The following ROBO1 variants were observed in gnomAD, a reference collection of about 807,000 sequenced individuals.
ROBO1 encodes roundabout guidance receptor 1.
In ROBO1, 149 loss-of-function variants were observed where a neutral mutation model predicts 195.9. The ratio of observed to expected loss-of-function variants is 0.76; its 90% CI spans 0.67 to 0.87. ROBO1 has a LOEUF of 0.87. Ranked by LOEUF, ROBO1 falls within the 40% of genes least tolerant of loss-of-function variation. The pLI, the probability that ROBO1 is intolerant of heterozygous loss-of-function variation, is 0.00. For missense variants in ROBO1, 1,933 were observed against 2,068.3 expected (o/e 0.93, Z 1.27); for synonymous variants, 816 against 733.2 (o/e 1.11, Z -1.82).
At chr3:79,752,335 T>A (rs964967906) in intron 1 of ROBO1, among the ~76,000 whole-genome samples, 8 of 152,168 alleles carry the variant, frequency 5.3e-5, no homozygotes, top group Non-Finnish European at 1.2e-4. Flanking sequence ...AATTTTTTAA[T>A]AAAACCTATG....
At chr3:79,543,617 A>G (rs1240106372) in intron 2 of ROBO1, among the ~76,000 whole-genome samples, 1 of 152,138 alleles carries the variant, frequency 6.6e-6, no homozygotes, top group African/African-American at 2.4e-5. Context: ...TGAATAGTTC[A>G]GAATAATAAA....
At chr3:79,545,798 C>T (rs199715390) in intron 2 of ROBO1, among the ~76,000 whole-genome samples, 1 of 152,064 alleles carries the variant, frequency 6.6e-6, no homozygotes, top group East Asian at 1.9e-4. Context: ...TTCATTAAAT[C>T]AAAGCAGAGT....
At chr3:79,144,009 T>G (rs1290062315) in intron 2 of ROBO1, among the ~76,000 whole-genome samples, 1 of 151,974 alleles carries the variant, frequency 6.6e-6, no homozygotes, top group African/African-American at 2.4e-5. Flanking sequence ...ATTTTCGCAG[T>G]TTTTTGCGTG....
In ROBO1 at chr3:78,685,925, C is replaced by T; in HGVS notation, c.1171-8G>A. 6.5e-7 allele frequency: 1 copy of T among 1,549,486 alleles called. No individual in the cohort carries two copies. The highest frequency in any genetic ancestry group is 1.2e-5 in the South Asian group (1 of 82,962). On this transcript the variant is annotated splice_region_variant and splice_polypyrimidine_tract_variant and intron_variant, in intron 9 of 30. Transcript: ENST00000464233. ...ATATGAGAAAAGTAGATTCTAGAACCCAGAAATTGGGATGGAGGAAAATAA... is the reference window on the plus strand; with the variant it reads ...ATATGAGAAAAGTAGATTCTAGAACTCAGAAATTGGGATGGAGGAAAATAA...
intron 4 of ROBO1, among the ~76,000 whole-genome samples, chr3:78,899,063 G>A (rs1365347542): frequency 6.6e-6 from 1 of 152,128 alleles, no homozygotes; most frequent in Admixed American, 6.5e-5. Flanking sequence ...CCAATGTCCT[G>A]TGCTAGGACT....
In ROBO1 at chr3:79,225,095, A is replaced by G. The variant is rs182312740; in HGVS notation, c.89-99556T>C. On this transcript the variant is annotated intron_variant, in intron 2 of 30. Transcript: ENST00000464233. ...GAACATTCCAGAGAGAAGGAATAGC[A>G]TGTGTTTTATGGCCTTTTATGGTAT... 1.3e-4 allele frequency among the ~76,000 whole-genome samples: 20 copies of G among 152,252 alleles called. No homozygotes were observed. In the East Asian group the frequency reaches 3.7e-3, roughly 28 times the overall value.
intron 2 of ROBO1, among the ~76,000 whole-genome samples, chr3:79,219,039 T>C (rs1202480652): frequency 6.6e-6 from 1 of 152,040 alleles, no homozygotes; most frequent in Non-Finnish European, 1.5e-5. Flanking sequence ...CAAAATGTTT[T>C]CAGTTAAATT....
intron 1 of ROBO1, among the ~76,000 whole-genome samples, chr3:79,595,993 A>G (rs1944157984): frequency 6.6e-6 from 1 of 150,782 alleles, no homozygotes; most frequent in African/African-American, 2.4e-5. Flanking sequence ...TGAATCACTC[A>G]GCAATCTACA....
At chr3:79,643,113 G>A (rs553220644) in intron 1 of ROBO1, among the ~76,000 whole-genome samples, 4 of 152,102 alleles carry the variant, frequency 2.6e-5, no homozygotes, top group African/African-American at 9.7e-5. Flanking sequence ...GACAGAAGAA[G>A]TTGGAAAGAG....
chr3:79,608,241 T>C (rs9838736), intron 1 of ROBO1, among the ~76,000 whole-genome samples: 38,337 of 151,798 alleles, frequency 0.25, 6,705 homozygotes, highest in African/African-American at 0.5. Context: ...CAAAATGGGG[T>C]TATAATAATT....
rs150539626 is a variant in ROBO1, at chr3:79,593,154, A to G, written c.-50-3193T>C. Reference sequence around the variant, plus strand: ...TGTACCACGGTTTATTTATCCATTTACTTATAGAAGGACATCTTGATTTCT... The same window carrying G: ...TGTACCACGGTTTATTTATCCATTTGCTTATAGAAGGACATCTTGATTTCT... On this transcript the variant is annotated intron_variant, in intron 1 of 30. Transcript: ENST00000464233. Among the ~76,000 whole-genome samples the G allele has an allele frequency of 6.8e-3, 1,031 of 152,128 alleles. 36 individuals are homozygous for G. The highest frequency in any genetic ancestry group is 0.063 in the Admixed American group (962 of 15,248).
At chr3:79,553,536 G>C (rs542579738) in intron 2 of ROBO1, among the ~76,000 whole-genome samples, 160 of 152,186 alleles carry the variant, frequency 1.1e-3, no homozygotes, top group African/African-American at 3.7e-3. Context: ...TATGAGAAAA[G>C]TGTTTACTGT....
At chr3:78,936,162 T>C (rs1207822692) in intron 4 of ROBO1, among the ~76,000 whole-genome samples, 2 of 152,016 alleles carry the variant, frequency 1.3e-5, no homozygotes, top group Non-Finnish European at 2.9e-5. Flanking sequence ...GACAAAAATA[T>C]TATTTCTATA....
chr3:79,327,157 A>C (rs988333884), intron 2 of ROBO1, among the ~76,000 whole-genome samples: 2 of 152,148 alleles, frequency 1.3e-5, no homozygotes, highest in African/African-American at 4.8e-5. Context: ...AATAAGAAGC[A>C]TTTTAGAATT....
chr3:79,489,866 C>G (rs971755839), intron 2 of ROBO1, among the ~76,000 whole-genome samples: 1 of 152,028 alleles, frequency 6.6e-6, no homozygotes, highest in African/African-American at 2.4e-5. Context: ...AGCTGCAATA[C>G]AGTATTCATA....
At chr3:78,898,210 T>C (rs949889778) in intron 4 of ROBO1, among the ~76,000 whole-genome samples, 1 of 149,974 alleles carries the variant, frequency 6.7e-6, no homozygotes, top group Non-Finnish European at 1.5e-5. Flanking sequence ...AATAAATTTA[T>C]AGTGCACTAT....
chr3:79,283,786 C>T (rs1405036029), intron 2 of ROBO1, among the ~76,000 whole-genome samples: 1 of 151,556 alleles, frequency 6.6e-6, no homozygotes, highest in Non-Finnish European at 1.5e-5. Context: ...CAAGCTCCGC[C>T]TCCCGGGTTC....
chr3:78,826,647 T>C (rs1214885914), intron 4 of ROBO1, among the ~76,000 whole-genome samples: 2 of 152,194 alleles, frequency 1.3e-5, no homozygotes, highest in Admixed American at 6.5e-5. Context: ...AAATGTTCCA[T>C]TGAATTGTTT....
intron 10 of ROBO1, among the ~76,000 whole-genome samples, chr3:78,680,555 T>G (rs1429496430): frequency 1.3e-5 from 2 of 151,874 alleles, no homozygotes; most frequent in Non-Finnish European, 2.9e-5. Context: ...AAGAAGACAT[T>G]TATGCAGCCA....
Sources: gnomAD v4.1 joint callset for allele counts (sites outside exome capture counted in the v4.1 genomes callset) on GRCh38, gnomAD v4.1.1 for gene constraint, MANE v1.5 for transcripts, NCBI Gene and HGNC (gene_info 2026-07-23, HGNC 2026-07-21) for gene names.